Variants in ZNF713 observed in about 807,000 individuals in gnomAD.
ZNF713 encodes zinc finger protein 713.
A neutral mutation model predicts 28.7 loss-of-function variants in ZNF713; 21 were observed. That is an observed-to-expected ratio of 0.73 (90% confidence interval 0.52 to 1.05). ZNF713 has a LOEUF of 1.05. Among genes scored for constraint, ZNF713 ranks in the 50% least tolerant of loss-of-function variants. ZNF713 has a pLI of 0.00. For synonymous variants in ZNF713, 167 were observed against 178.0 expected (o/e 0.94, Z 0.49); for missense variants, 458 against 532.4 (o/e 0.86, Z 1.37).
chr7:55,904,271 C>T (rs1163113257), intron 1 of ZNF713, among the ~76,000 whole-genome samples: 2 of 111,590 alleles, frequency 1.8e-5, no homozygotes, highest in African/African-American at 6.4e-5. Flanking sequence ...AAACCAGCCT[C>T]GGCAACGTGG....
intron 6 of ZNF713, among the ~76,000 whole-genome samples, chr7:55,934,887 T>A (rs1237089635): frequency 3.3e-5 from 5 of 150,136 alleles, no homozygotes; most frequent in Admixed American, 2.7e-4. Flanking sequence ...GCATTGCCTT[T>A]TTTTTTTTTT....
chr7:55,921,719 C>G (rs1785996466), intron 4 of ZNF713, among the ~76,000 whole-genome samples: 1 of 152,136 alleles, frequency 6.6e-6, no homozygotes, highest in Non-Finnish European at 1.5e-5. Context: ...GGTGAAGATG[C>G]TTTGAATAAT....
At chr7:55,890,907 T>C (rs1018903659) in intron 1 of ZNF713, among the ~76,000 whole-genome samples, 3 of 151,154 alleles carry the variant, frequency 2.0e-5, no homozygotes, top group Admixed American at 2.0e-4. Context: ...GGTAGGAGAA[T>C]TGTGCTTGAA....
intron 4 of ZNF713, among the ~76,000 whole-genome samples, chr7:55,913,807 T>A (rs1303922433): frequency 6.6e-6 from 1 of 152,084 alleles, no homozygotes; most frequent in African/African-American, 2.4e-5. Context: ...TTCTTTAAAA[T>A]CACTCATAGA....
Position 55,923,599 on chromosome 7 carries a change from G to C in ZNF713, c.215-8G>C. 1 of 1,586,118 alleles carries C rather than the reference G, an allele frequency of 6.3e-7. No individual in the cohort carries two copies. Among genetic ancestry groups the C allele is most frequent in the Middle Eastern group, 1.7e-4 (1 of 6,026 alleles). On this transcript the variant is annotated splice_region_variant and splice_polypyrimidine_tract_variant and intron_variant, in intron 5 of 6. Transcript: ENST00000429591. The stretch of plus-strand genomic sequence containing the variant: ...AACTCCTAAGATGTATGTTACTCCT[G>C]TGAATAGGGTATCAGCTTTGTAAGC...
intron 2 of ZNF713, among the ~76,000 whole-genome samples, chr7:55,907,766 C>G (rs1382740840): frequency 2.0e-5 from 3 of 152,136 alleles, no homozygotes; most frequent in Non-Finnish European, 4.4e-5. Flanking sequence ...CAGCTCCATC[C>G]ATGTTGCTGC....
intron 1 of ZNF713, among the ~76,000 whole-genome samples, chr7:55,891,764 C>T (rs776566057): frequency 2.0e-5 from 3 of 151,642 alleles, no homozygotes; most frequent in Non-Finnish European, 4.4e-5. Flanking sequence ...TTTTATTTCA[C>T]CCACACTAGT....
intron 4 of ZNF713, among the ~76,000 whole-genome samples, chr7:55,919,866 A>ATT: frequency 6.7e-6 from 1 of 150,322 alleles, no homozygotes. Context: ...CCTCAAGTGT[A>ATT]TTTTTTTTTT....
intron 1 of ZNF713, among the ~76,000 whole-genome samples, chr7:55,895,972 C>G (rs1785466395): frequency 6.6e-6 from 1 of 152,050 alleles, no homozygotes; most frequent in African/African-American, 2.4e-5. Context: ...TGTGGAGTCA[C>G]CATTCTGACC....
chr7:55,907,487 C>T lies in ZNF713; in HGVS notation c.-456+1108C>T, dbSNP rs565873325. 1.1e-4 allele frequency among the ~76,000 whole-genome samples: 17 copies of T among 152,296 alleles called. No homozygotes were observed. In the South Asian group the frequency reaches 3.3e-3, roughly 30 times the overall value. ...TTCTTTTTTGTGGCTGCATGGTATT[C>T]CACGTGCAGGTTTGTTACATAGACA... is the stretch of plus-strand genomic sequence containing the variant. On this transcript the variant is annotated intron_variant, in intron 2 of 6. Transcript: ENST00000429591.
At chr7:55,918,586 T>C (rs1785929975) in intron 4 of ZNF713, among the ~76,000 whole-genome samples, 1 of 152,114 alleles carries the variant, frequency 6.6e-6, no homozygotes, top group Non-Finnish European at 1.5e-5. Context: ...GGCGAGTTAA[T>C]GGAAAACTAA....
chr7:55,897,840 G>A (rs1785502145), intron 1 of ZNF713, among the ~76,000 whole-genome samples: 1 of 152,114 alleles, frequency 6.6e-6, no homozygotes, highest in South Asian at 2.1e-4. Flanking sequence ...AGATCTTCAT[G>A]TCCAGTTCCT....
intron 1 of ZNF713, among the ~76,000 whole-genome samples, chr7:55,891,802 A>G (rs1332603640): frequency 2.0e-5 from 3 of 152,160 alleles, no homozygotes; most frequent in African/African-American, 4.8e-5. Flanking sequence ...TTGCAGGAAC[A>G]AAAGTATAAT....
Position 55,923,132 on chromosome 7 carries a change from G to T in ZNF713, c.88-30G>T, listed in dbSNP as rs1459376558. ...GAGGGTCCCTGTAAGAACCGTTTTT[G>T]CCTGAGCAGGGATGTGCTTGATGTT... On this transcript the variant is annotated intron_variant, in intron 4 of 6. Transcript: ENST00000429591. 4.4e-6 allele frequency: 7 copies of T among 1,585,074 alleles called. No individual in the cohort carries two copies. In the Admixed American group the frequency reaches 1.3e-4, roughly 30 times the overall value.
chr7:55,913,972 G>A (rs1330005498), intron 4 of ZNF713, among the ~76,000 whole-genome samples: 1 of 151,956 alleles, frequency 6.6e-6, no homozygotes, highest in Non-Finnish European at 1.5e-5. Flanking sequence ...TTAGCCAGGC[G>A]TGGTGGCAGG....
intron 1 of ZNF713, among the ~76,000 whole-genome samples, chr7:55,896,817 C>T (rs567418072): frequency 2.0e-5 from 3 of 152,028 alleles, no homozygotes; most frequent in Non-Finnish European, 4.4e-5. Flanking sequence ...TTTGGAGAAA[C>T]GGTTGATTCC....
intron 6 of ZNF713, among the ~76,000 whole-genome samples, chr7:55,933,185 C>T (rs546860773): frequency 8.2e-5 from 12 of 146,630 alleles, no homozygotes; most frequent in Admixed American, 4.0e-4. Context: ...TGCAATGAGC[C>T]GAGATCACAC....
intron 1 of ZNF713, among the ~76,000 whole-genome samples, chr7:55,898,619 G>C (rs57580348): frequency 0.045 from 6,926 of 152,262 alleles, 481 homozygotes; most frequent in African/African-American, 0.15. Flanking sequence ...AATCCACCCT[G>C]TGATCCAATC....
rs756204336 is a variant in ZNF713, at chr7:55,923,683, G to T, written c.291G>T (p.Leu97=). The part of the protein sequence containing the change: ...EEEWVIERDS[L]LDTHPDGENR... Reference sequence around the variant, plus strand: ...AATGGGTGATAGAAAGAGACAGCCTGCTGGATACTCATCCAGGTAAGTGCA... The same window carrying T: ...AATGGGTGATAGAAAGAGACAGCCTTCTGGATACTCATCCAGGTAAGTGCA... Residue 97 remains leucine, a synonymous_variant, in exon 6 of 7, where the codon CTG becomes CTT. Coordinates refer to ENST00000429591, the MANE Select transcript of ZNF713 (RefSeq NM_182633.3). 1 of 1,612,042 alleles carries T rather than the reference G, an allele frequency of 6.2e-7. No homozygotes were observed. Among genetic ancestry groups the T allele is most frequent in the Non-Finnish European group, 8.5e-7 (1 of 1,178,950 alleles).
Sources: allele counts gnomAD v4.1 joint callset (sites outside exome capture counted in the v4.1 genomes callset), GRCh38; gene constraint gnomAD v4.1.1; transcripts MANE v1.5; gene names NCBI Gene and HGNC (gene_info 2026-07-23, HGNC 2026-07-21).